TULP3: variants seen among roughly 807,000 people sequenced by gnomAD.
TULP3 encodes TUB like protein 3.
In TULP3, 38 loss-of-function variants were observed where a neutral mutation model predicts 50.7. The ratio of observed to expected loss-of-function variants is 0.75; its 90% CI spans 0.58 to 0.98. The LOEUF (loss-of-function observed/expected upper bound fraction) is 0.98, where lower values mean the gene tolerates loss of function less well. TULP3 is among the 50% of genes least tolerant of loss of function. The probability of loss-of-function intolerance (pLI) is 0.00; values close to 1 mark genes in which losing one functional copy is unlikely to be tolerated. For missense variants in TULP3, 550 were observed against 568.0 expected (o/e 0.97, Z 0.32); for synonymous variants, 183 against 196.6 (o/e 0.93, Z 0.58).
Position 2,939,185 on chromosome 12 carries a change from C to A in TULP3, c.1196-126C>A. 9.5e-7 allele frequency: 1 copy of A among 1,051,482 alleles called. No homozygotes were observed. The highest frequency in any genetic ancestry group is 1.4e-6 in the Non-Finnish European group (1 of 719,116). 65.1% of individuals were successfully genotyped at this position (1,051,482 alleles called of 1,614,324 possible). ...GGTCAAGGCTGCAGTGAGCTGTGGT[C>A]ATTCCACTAGGCTCCAGCCAGGGCG... On this transcript the variant is annotated intron_variant, in intron 10 of 10. Coordinates refer to ENST00000448120, the MANE Select transcript of TULP3 (RefSeq NM_003324.5). This position sits in a 1 kb window ranked among gnomAD's most constrained non-coding sequence, Gnocchi z 4.0.
intron 1 of TULP3, among the ~76,000 whole-genome samples, chr12:2,899,496 A>G (rs1025259602): frequency 6.6e-6 from 1 of 152,172 alleles, no homozygotes; most frequent in Non-Finnish European, 1.5e-5. Flanking sequence ...ATAGTTATTC[A>G]TACTGTGAAT....
chr12:2,898,481 G>A (rs938110260), intron 1 of TULP3, among the ~76,000 whole-genome samples: 2 of 152,038 alleles, frequency 1.3e-5, no homozygotes, highest in Non-Finnish European at 2.9e-5. Context: ...CCTTTTCTGC[G>A]AAGGTCTTAA....
intron 1 of TULP3, among the ~76,000 whole-genome samples, chr12:2,893,327 G>GGGTT (rs1555110454): frequency 7.8e-6 from 1 of 128,162 alleles, no homozygotes; most frequent in Non-Finnish European, 1.6e-5. Flanking sequence ...TGTTTAATGT[G>GGGTT]TTTTTTTTTT....
At chr12:2,909,837 C>T (rs2098184438) in intron 2 of TULP3, among the ~76,000 whole-genome samples, 1 of 152,188 alleles carries the variant, frequency 6.6e-6, no homozygotes, top group Non-Finnish European at 1.5e-5. Context: ...TCCTTGGCGC[C>T]TTTCTTTCTG....
Position 2,939,010 on chromosome 12 carries a change from T to G in TULP3, c.1196-301T>G, listed in dbSNP as rs185718850. ...GGGAGGCCGAGGCAGGAGAATCACT[T>G]GAGCCTAGGTGTTTGAGACCAGCTT... On this transcript the variant is annotated intron_variant, in intron 10 of 10. Coordinates refer to ENST00000448120, the MANE Select transcript of TULP3 (RefSeq NM_003324.5). This position sits in a 1 kb window ranked among gnomAD's most constrained non-coding sequence, Gnocchi z 4.0. 4.5e-4 allele frequency among the ~76,000 whole-genome samples: 69 copies of G among 152,284 alleles called. No homozygotes were observed. Among genetic ancestry groups the G allele is most frequent in the Middle Eastern group, 3.4e-3 (1 of 294 alleles).
intron 2 of TULP3, among the ~76,000 whole-genome samples, chr12:2,920,427 C>T (rs552956279): frequency 5.3e-5 from 8 of 151,912 alleles, no homozygotes; most frequent in East Asian, 1.9e-4. Flanking sequence ...AAGGATTGGG[C>T]GTGCCTTGGA....
At chr12:2,926,584 C>G (rs1434046453) in intron 4 of TULP3, among the ~76,000 whole-genome samples, 1 of 152,152 alleles carries the variant, frequency 6.6e-6, no homozygotes, top group Non-Finnish European at 1.5e-5. Flanking sequence ...ATATAAATTA[C>G]AGACCATACT....
intron 8 of TULP3, 65 bp downstream of exon 8, chr12:2,934,626 G>C: frequency 9.3e-7 from 1 of 1,069,604 alleles, no homozygotes; most frequent in Non-Finnish European, 1.3e-6. Flanking sequence ...TTTTCACCTA[G>C]TGTCGCTGAA....
chr12:2,937,764 C>CT lies in TULP3; in HGVS notation c.1023+36dup, dbSNP rs149068721. ...AATGTATTTAAATCAGTGAAAGACT[C>CT]TAAAAGACAGTAGTACAATACACAG... On this transcript the variant is annotated intron_variant, in intron 9 of 10. Transcript: ENST00000448120. 5.5e-4 allele frequency: 775 copies of CT among 1,419,534 alleles called. 6 individuals are homozygous for CT. The African/African-American group carries it at 0.01, about 18-fold the overall frequency. 87.9% of individuals were successfully genotyped at this position (1,419,534 alleles called of 1,614,324 possible).
At chr12:2,907,728 C>G (rs1387216851) in intron 1 of TULP3, among the ~76,000 whole-genome samples, 1 of 151,314 alleles carries the variant, frequency 6.6e-6, no homozygotes, top group Admixed American at 6.6e-5. Context: ...TTTGTTTTAT[C>G]TTTTTTTGTC....
chr12:2,891,059 TC>T, intron 1 of TULP3, 71 bp downstream of exon 1: 1 of 1,442,772 alleles, frequency 6.9e-7, no homozygotes. Flanking sequence ...GGAGGTCCTC[TC>T]CGGGAGCCCT....
rs1379302327 is a variant in TULP3, at chr12:2,918,921, C to G, written c.94-1842C>G. The stretch of plus-strand genomic sequence containing the variant: ...TTTTTTTTGAGACAGAGTCTCGAGT[C>G]TTGCTCTGTCACCCAGGCTGGAGTG... On this transcript the variant is annotated intron_variant, in intron 2 of 10. Transcript: ENST00000448120. 2.7e-5 allele frequency among the ~76,000 whole-genome samples: 4 copies of G among 149,582 alleles called. No homozygotes were observed. In the South Asian group the frequency reaches 8.5e-4, roughly 32 times the overall value.
At position 2,909,505 on chromosome 12, in the gene TULP3, CTTTA is replaced by C; in HGVS notation, c.42-20_42-17del. Reference sequence around the variant, plus strand: ...AAGGCGTTTTCTTTTTATATACTTGCTTTATTTTTTTTTTTTTTAACAGTGTCTT... The same window carrying C: ...AAGGCGTTTTCTTTTTATATACTTGCTTTTTTTTTTTTTTAACAGTGTCTT... On this transcript the variant is annotated intron_variant, in intron 1 of 10. Transcript: ENST00000448120. 3 of 1,513,358 alleles carry C rather than the reference CTTTA, an allele frequency of 2.0e-6. No individual in the cohort carries two copies. The South Asian group carries it at 3.6e-5, about 18-fold the overall frequency. 93.7% of individuals were successfully genotyped at this position (1,513,358 alleles called of 1,614,324 possible).
chr12:2,894,076 C>G (rs934837398), intron 1 of TULP3, among the ~76,000 whole-genome samples: 11 of 152,066 alleles, frequency 7.2e-5, no homozygotes, highest in African/African-American at 2.7e-4. Context: ...GGTGCTGGAA[C>G]TTGAGCCCTA....
chr12:2,907,419 G>C (rs2098182935), intron 1 of TULP3, among the ~76,000 whole-genome samples: 1 of 144,360 alleles, frequency 6.9e-6, no homozygotes, highest in Non-Finnish European at 1.5e-5. Flanking sequence ...AGGTTGCAGT[G>C]AGCCGAGATC....
intron 1 of TULP3, among the ~76,000 whole-genome samples, chr12:2,895,989 G>A (rs2098175373): frequency 6.6e-6 from 1 of 150,930 alleles, no homozygotes; most frequent in Non-Finnish European, 1.5e-5. Flanking sequence ...TACTCAGGCT[G>A]GAGTGCAATG....
intron 1 of TULP3, among the ~76,000 whole-genome samples, chr12:2,906,620 C>T (rs1203558782): frequency 2.0e-5 from 3 of 151,356 alleles, no homozygotes; most frequent in South Asian, 2.1e-4. Flanking sequence ...TGAGCCACTG[C>T]GTCTGGCCTA....
intron 1 of TULP3, among the ~76,000 whole-genome samples, chr12:2,907,390 G>T (rs1007212500): frequency 6.6e-6 from 1 of 151,164 alleles, no homozygotes; most frequent in Non-Finnish European, 1.5e-5. Flanking sequence ...CAGGAGAATC[G>T]CTTGAACCTG....
intron 1 of TULP3, 84 bp downstream of exon 1, chr12:2,891,072 C>T (rs1025227421): frequency 5.0e-6 from 7 of 1,398,934 alleles, no homozygotes; most frequent in Non-Finnish European, 5.6e-6. Flanking sequence ...GGGAGCCCTG[C>T]GGGGAGAGGG....
Sources: allele counts gnomAD v4.1 joint callset (sites outside exome capture counted in the v4.1 genomes callset), GRCh38; gene constraint gnomAD v4.1.1; non-coding constraint Gnocchi (gnomAD v3.1); transcripts MANE v1.5; gene names NCBI Gene and HGNC (gene_info 2026-07-23, HGNC 2026-07-21).